SORCS2: variants seen among roughly 807,000 people sequenced by gnomAD.
SORCS2 encodes the protein sortilin related VPS10 domain containing receptor 2.
SORCS2 carries 100 observed loss-of-function variants against 141.6 expected under a neutral mutation model. That is an observed-to-expected ratio of 0.71 (90% CI 0.60 to 0.83). The LOEUF is 0.83. SORCS2 is among the 40% of genes least tolerant of loss of function. SORCS2 has a pLI of 0.00. For missense variants in SORCS2, 1,646 were observed against 1,560.2 expected (o/e 1.05, Z -0.93); for synonymous variants, 789 against 676.9 (o/e 1.17, Z -2.57).
chr4:7,295,558 C>A (rs1019856470), intron 1 of SORCS2, among the ~76,000 whole-genome samples: 5 of 152,156 alleles, frequency 3.3e-5, no homozygotes, highest in African/African-American at 1.2e-4. Context: ...TGCCCAGGGT[C>A]CGTGGATGGG....
chr4:7,468,914 G>A (rs749486827), intron 2 of SORCS2, among the ~76,000 whole-genome samples: 3 of 152,192 alleles, frequency 2.0e-5, no homozygotes, highest in South Asian at 2.1e-4. Flanking sequence ...TCTGGTGGCC[G>A]TGTGACCTTG....
At chr4:7,540,493 C>T (rs1712541901) in intron 3 of SORCS2, among the ~76,000 whole-genome samples, 1 of 152,212 alleles carries the variant, frequency 6.6e-6, no homozygotes, top group Non-Finnish European at 1.5e-5. Context: ...TGTGCAGTAG[C>T]TTGGGAAGTC....
At chr4:7,604,846 G>A (rs1410259316) in intron 3 of SORCS2, among the ~76,000 whole-genome samples, 4 of 152,190 alleles carry the variant, frequency 2.6e-5, no homozygotes, top group African/African-American at 9.6e-5. Context: ...CAACAAAGAT[G>A]TCACCCCCTG....
At chr4:7,540,946 G>A (rs924407943) in intron 3 of SORCS2, among the ~76,000 whole-genome samples, 9 of 152,232 alleles carry the variant, frequency 5.9e-5, no homozygotes, top group Non-Finnish European at 1.2e-4. Context: ...CCACGAGGCT[G>A]CCCTCAGGTC....
rs529189656 is a variant in SORCS2, at chr4:7,336,598, C to T, written c.481-59690C>T. Among the ~76,000 whole-genome samples the T allele has an allele frequency of 2.5e-5, 2 of 78,622 alleles. 1 individual carries two copies. The highest frequency in any genetic ancestry group is 1.2e-4 in the African/African-American group (2 of 17,238). The allele number at this position is 78,622 out of a possible 152,430, so 51.6% of individuals were successfully genotyped here. A position where few individuals can be genotyped will look rare whatever the true frequency, so the allele number is the denominator to read the frequency against. On this transcript the variant is annotated intron_variant, in intron 1 of 26. Transcript: ENST00000507866. ...CTAGGGTCCCAGGACCTCCTGTTCG[C>T]ATCTTGGTGGAAGCGCCAGTAGCAC...
chr4:7,212,456 A>G (rs1455034853), intron 1 of SORCS2, among the ~76,000 whole-genome samples: 4 of 152,366 alleles, frequency 2.6e-5, no homozygotes, highest in South Asian at 2.1e-4. Flanking sequence ...TCACAGAACC[A>G]GAATGTCCAG....
chr4:7,438,778 G>A (rs546955681), intron 2 of SORCS2, among the ~76,000 whole-genome samples: 57 of 151,608 alleles, frequency 3.8e-4, no homozygotes, highest in African/African-American at 1.3e-3. Flanking sequence ...CACTTGCTTC[G>A]AGGTTCTCAC....
At chr4:7,520,191 A>C (rs1024562314) in intron 2 of SORCS2, among the ~76,000 whole-genome samples, 2 of 152,138 alleles carry the variant, frequency 1.3e-5, no homozygotes, top group African/African-American at 4.8e-5. Context: ...AGCCACGTGC[A>C]CGCCTGGTCT....
intron 1 of SORCS2, among the ~76,000 whole-genome samples, chr4:7,264,542 C>G (rs563187136): frequency 6.6e-6 from 1 of 152,304 alleles, no homozygotes; most frequent in South Asian, 2.1e-4. Flanking sequence ...GCACTCAGCC[C>G]CTGGTCTGGG....
chr4:7,330,346 C>G (rs555770769), intron 1 of SORCS2, among the ~76,000 whole-genome samples: 1 of 152,018 alleles, frequency 6.6e-6, no homozygotes, highest in African/African-American at 2.4e-5. Flanking sequence ...TGTGATTCAG[C>G]GTATCACAAA....
chr4:7,614,873 C>T (rs76307229), intron 3 of SORCS2, among the ~76,000 whole-genome samples: 1,568 of 151,850 alleles, frequency 0.01, 9 homozygotes, highest in Non-Finnish European at 0.016. Flanking sequence ...TCCCTCTACT[C>T]ATCCACCCAT....
chr4:7,362,817 A>C (rs1721660379), intron 1 of SORCS2, among the ~76,000 whole-genome samples: 2 of 151,036 alleles, frequency 1.3e-5, no homozygotes, highest in Non-Finnish European at 1.5e-5. Context: ...ATTACCACCA[A>C]CACCACCATC....
intron 2 of SORCS2, among the ~76,000 whole-genome samples, chr4:7,470,017 G>A (rs896909926): frequency 3.9e-5 from 6 of 152,210 alleles, no homozygotes; most frequent in Non-Finnish European, 8.8e-5. Flanking sequence ...CACAGGGCCA[G>A]CAGGTCCAGT....
intron 4 of SORCS2, among the ~76,000 whole-genome samples, chr4:7,653,638 ACTGGTCATACGCTGTGAGGCTGGCC>A (rs766535666): frequency 9.2e-5 from 14 of 152,276 alleles, no homozygotes; most frequent in Admixed American, 7.2e-4. Flanking sequence ...GGGCGATGGC[ACTGGTCATACGCTGTGAGGCTGGCC>A]CTGGTGTCAG....
At chr4:7,574,158 G>C (rs1254081597) in intron 3 of SORCS2, among the ~76,000 whole-genome samples, 2 of 152,236 alleles carry the variant, frequency 1.3e-5, no homozygotes, top group Admixed American at 1.3e-4. Flanking sequence ...CCAGAAGCTC[G>C]AGCATCAGCT....
intron 1 of SORCS2, among the ~76,000 whole-genome samples, chr4:7,374,198 T>TCTTTCTTTCTTTCTTTCTTTCTTTC (rs1722483753): frequency 6.7e-6 from 1 of 149,618 alleles, no homozygotes; most frequent in African/African-American, 2.5e-5. Flanking sequence ...TTTCTTTCTT[T>TCTTTCTTTCTTTCTTTCTTTCTTTC]TTTGCAGAGA....
intron 3 of SORCS2, among the ~76,000 whole-genome samples, chr4:7,624,099 T>A (rs1385138141): frequency 1.3e-5 from 2 of 152,188 alleles, no homozygotes; most frequent in African/African-American, 4.8e-5. Context: ...ACAGAAGTGC[T>A]CAATAAATGC....
intron 1 of SORCS2, among the ~76,000 whole-genome samples, chr4:7,249,625 T>C (rs1450710802): frequency 6.6e-6 from 1 of 152,200 alleles, no homozygotes; most frequent in East Asian, 1.9e-4. Context: ...TTCATGCCTC[T>C]GTGACATCCT....
intron 1 of SORCS2, among the ~76,000 whole-genome samples, chr4:7,329,010 C>T (rs1719473681): frequency 6.6e-6 from 1 of 152,206 alleles, no homozygotes; most frequent in Non-Finnish European, 1.5e-5. Flanking sequence ...CGAGGCCAGG[C>T]CCATGCGGAG....
Sources: gnomAD v4.1 joint callset for allele counts (sites outside exome capture counted in the v4.1 genomes callset) on GRCh38, gnomAD v4.1.1 for gene constraint, MANE v1.5 for transcripts, NCBI Gene and HGNC (gene_info 2026-07-23, HGNC 2026-07-21) for gene names.